PASD1: variants seen among roughly 807,000 people sequenced by gnomAD.
The protein encoded by PASD1 is circadian clock protein PASD1.
A neutral mutation model predicts 58.8 loss-of-function variants in PASD1; 13 were observed. The ratio of observed to expected loss-of-function variants is 0.22; its 90% CI spans 0.14 to 0.35. The LOEUF is 0.35. PASD1 is among the 10% of genes least tolerant of loss of function. The probability of loss-of-function intolerance (pLI) is 1.00; values close to 1 mark genes in which losing one functional copy is unlikely to be tolerated. For missense variants in PASD1, 734 were observed against 568.3 expected (o/e 1.29, Z -2.96); for synonymous variants, 236 against 216.7 (o/e 1.09, Z -0.78).
Position 151,575,757 on chromosome X carries a change from A to C in PASD1, c.-28+11918A>C, listed in dbSNP as rs184121145. On this transcript the variant is annotated intron_variant, in intron 1 of 15. Coordinates refer to ENST00000370357, the MANE Select transcript of PASD1 (RefSeq NM_173493.3). Reference sequence around the variant, plus strand: ...CAGCCTCGACTTCCAGGGCTCAAGCAATTATTCCACCTCAGCCTCCTCAGT... The same window carrying C: ...CAGCCTCGACTTCCAGGGCTCAAGCCATTATTCCACCTCAGCCTCCTCAGT... Among the ~76,000 whole-genome samples, 372 of 110,671 alleles carry C rather than the reference A, an allele frequency of 3.4e-3. 4 individuals carry two copies. Among genetic ancestry groups the C allele is most frequent in the African/African-American group, 0.011 (333 of 30,481 alleles).
intron 9 of PASD1, among the ~76,000 whole-genome samples, chrX:151,653,543 C>T (rs1050102698): frequency 2.7e-5 from 3 of 110,005 alleles, no homozygotes; most frequent in Admixed American, 9.7e-5. Context: ...CATTTGATGA[C>T]GGGTGTGAGA....
In PASD1 at chrX:151,599,567, C is replaced by T. The variant is rs1440788113; in HGVS notation, c.-27-1960C>T. Among the ~76,000 whole-genome samples, 11 of 107,545 alleles carry T rather than the reference C, an allele frequency of 1.0e-4. No individual in the cohort carries two copies. In the South Asian group the frequency reaches 1.7e-3, roughly 16 times the overall value. The allele number at this position is 107,545 out of a possible 115,157, so 93.4% of individuals were successfully genotyped here. On this transcript the variant is annotated intron_variant, in intron 1 of 15. Transcript: ENST00000370357. ...CTCAGACGGGGCGGCCGGTCAGAGA[C>T]GCTCCTCACCTCCCAGACGGGGTGG...
intron 15 of PASD1, among the ~76,000 whole-genome samples, 187 bp downstream of exon 15, chrX:151,674,373 G>T (rs2014518058): frequency 1.8e-5 from 2 of 112,305 alleles, no homozygotes; most frequent in African/African-American, 6.5e-5. Flanking sequence ...TCTCTACAGG[G>T]TTCCTCAAAA....
At chrX:151,598,717 T>C (rs1569402341) in intron 1 of PASD1, among the ~76,000 whole-genome samples, 1 of 112,482 alleles carries the variant, frequency 8.9e-6, no homozygotes, top group East Asian at 2.8e-4. Flanking sequence ...TATATCTATT[T>C]ATATAATTTC....
rs746125722 is a variant in PASD1, at chrX:151,607,859, G to C, written c.117+3125G>C. Among the ~76,000 whole-genome samples, 5 of 111,940 alleles carry C rather than the reference G, an allele frequency of 4.5e-5. No homozygotes were observed. The Admixed American group carries it at 4.7e-4, about 11-fold the overall frequency. On this transcript the variant is annotated intron_variant, in intron 3 of 15. Coordinates refer to ENST00000370357, the MANE Select transcript of PASD1 (RefSeq NM_173493.3). ...TAGTGCTGGCGGAGTTAGGAGACTA[G>C]GTTGGGACTGCAAAAGCAAAGCTAA...
At chrX:151,652,532 C>CAAAAAAAAAAAAAAAAA (rs68106404) in intron 9 of PASD1, among the ~76,000 whole-genome samples, 2 of 69,167 alleles carry the variant, frequency 2.9e-5, no homozygotes, top group Non-Finnish European at 5.8e-5. Flanking sequence ...GACTCCGTCT[C>CAAAAAAAAAAAAAAAAA]AAAAAAAAAA....
intron 10 of PASD1, 120 bp downstream of exon 10, chrX:151,659,956 T>C: frequency 1.6e-6 from 1 of 635,085 alleles, no homozygotes. Flanking sequence ...CAGAGTGAAT[T>C]CCAACTTTCT....
intron 8 of PASD1, among the ~76,000 whole-genome samples, chrX:151,630,247 C>T (rs2013850819): frequency 9.0e-6 from 1 of 111,661 alleles, no homozygotes; most frequent in Admixed American, 9.5e-5. Context: ...TACTTTGGCC[C>T]CAGTCTCTTC....
chrX:151,568,129 G>A (rs779921189), intron 1 of PASD1, among the ~76,000 whole-genome samples: 2 of 112,032 alleles, frequency 1.8e-5, no homozygotes, highest in African/African-American at 3.2e-5. Flanking sequence ...TTAAGATGTC[G>A]GCAAGGCTTT....
intron 1 of PASD1, among the ~76,000 whole-genome samples, chrX:151,590,231 G>T (rs760841081): frequency 8.9e-6 from 1 of 112,472 alleles, no homozygotes; most frequent in South Asian, 3.7e-4. Flanking sequence ...TTAAAAGGCA[G>T]AACAGGCAAA....
intron 8 of PASD1, among the ~76,000 whole-genome samples, chrX:151,634,346 C>A (rs919362106): frequency 9.0e-6 from 1 of 111,034 alleles, no homozygotes; most frequent in Admixed American, 9.7e-5. Context: ...CTCTATTTCT[C>A]AAATACTTCT....
intron 10 of PASD1, among the ~76,000 whole-genome samples, chrX:151,661,815 T>C (rs949274345): frequency 8.9e-6 from 1 of 111,829 alleles, no homozygotes; most frequent in African/African-American, 3.2e-5. Flanking sequence ...TTTGACAGAA[T>C]GTCCCTCAAT....
intron 3 of PASD1, 38 bp from the exon 4 acceptor site, chrX:151,611,626 T>A (rs773501339): frequency 1.0e-6 from 1 of 960,340 alleles, no homozygotes; most frequent in South Asian, 2.2e-5. Flanking sequence ...TTATTATTGT[T>A]CCACTATTTA....
At chrX:151,660,076 G>A (rs890755474) in intron 10 of PASD1, among the ~76,000 whole-genome samples, 3 of 111,804 alleles carry the variant, frequency 2.7e-5, no homozygotes, top group Non-Finnish European at 5.6e-5. Flanking sequence ...AAAAATTGGC[G>A]CTGGATCTCA....
Position 151,622,982 on chromosome X carries a change from C to G in PASD1, c.464C>G (p.Ala155Gly), listed in dbSNP as rs2013735488. The change falls in exon 7 of 16, where the codon GCT becomes GGT. Residue 155 changes from alanine (A) to glycine (G), a missense_variant. Transcript: ENST00000370357. Reference sequence around the variant, plus strand: ...GGCTTGTTTTCCAGCCACCTCTGTGCTGACTTTGCTGCATGTGTTCCTCAG... The same window carrying G: ...GGCTTGTTTTCCAGCCACCTCTGTGGTGACTTTGCTGCATGTGTTCCTCAG... ...FSGLFSSHLCADFAACVPQED... is the reference protein window; with the variant it reads ...FSGLFSSHLCGDFAACVPQED... The G allele has an allele frequency of 7.4e-6, 9 of 1,208,628 alleles. No homozygotes were observed. The highest frequency in any genetic ancestry group is 9.0e-6 in the Non-Finnish European group (8 of 892,942).
At chrX:151,618,389 C>G in intron 4 of PASD1, among the ~76,000 whole-genome samples, 1 of 112,315 alleles carries the variant, frequency 8.9e-6, no homozygotes, top group East Asian at 2.8e-4. Flanking sequence ...TACTTTATTA[C>G]TTTGTTGCTA....
intron 8 of PASD1, 63 bp downstream of exon 8, chrX:151,625,593 A>C: frequency 1.2e-6 from 1 of 860,503 alleles, no homozygotes. Flanking sequence ...AACGAAACTA[A>C]AACAAGAGAA....
intron 8 of PASD1, among the ~76,000 whole-genome samples, chrX:151,628,460 G>A (rs1255532087): frequency 8.9e-6 from 1 of 111,963 alleles, no homozygotes; most frequent in Non-Finnish European, 1.9e-5. Flanking sequence ...TGTTAAATAG[G>A]GAATCCTTTC....
chrX:151,642,486 AAAGTT>A (rs2014010205), intron 8 of PASD1, among the ~76,000 whole-genome samples: 1 of 112,379 alleles, frequency 8.9e-6, no homozygotes, highest in African/African-American at 3.2e-5. Flanking sequence ...TAATTTGTAA[AAAGTT>A]AAAAGTCACA....
Sources: allele counts gnomAD v4.1 joint callset (sites outside exome capture counted in the v4.1 genomes callset), GRCh38; gene constraint gnomAD v4.1.1; transcripts MANE v1.5; gene names NCBI Gene and HGNC (gene_info 2026-07-23, HGNC 2026-07-21).